PCMTD2: variants seen among roughly 807,000 people sequenced by gnomAD.
PCMTD2 encodes the protein protein-L-isoaspartate (D-aspartate) O-methyltransferase domain containing 2.
Under a neutral mutation model 33.4 loss-of-function variants are expected in PCMTD2, and 16 were observed. The ratio of observed to expected loss-of-function variants is 0.48; its 90% confidence interval spans 0.32 to 0.73. PCMTD2 has a LOEUF of 0.73. Among genes scored for constraint, PCMTD2 ranks in the 30% least tolerant of loss-of-function variants. The probability of loss-of-function intolerance (pLI) is 0.03; values close to 1 mark genes in which losing one functional copy is unlikely to be tolerated. For synonymous variants in PCMTD2, 161 were observed against 160.8 expected (o/e 1.00, Z -0.01); for missense variants, 374 against 449.9 (o/e 0.83, Z 1.53).
At chr20:64,270,310 C>T (rs1985858907) in intron 5 of PCMTD2, among the ~76,000 whole-genome samples, 1 of 134,634 alleles carries the variant, frequency 7.4e-6, no homozygotes, top group Non-Finnish European at 1.6e-5. Context: ...AGTGTGGGAT[C>T]GTGTGAGTGC....
intron 5 of PCMTD2, chr20:64,272,190 A>G (rs1452438491): frequency 2.7e-6 from 1 of 364,342 alleles, no homozygotes. Flanking sequence ...TCTGAAGAAC[A>G]GTGGAGATGC....
chr20:64,273,724 T>A lies in PCMTD2; in HGVS notation c.*124T>A, dbSNP rs1986006683. 1.4e-6 allele frequency: 1 copy of A among 715,716 alleles called. No individual in the cohort carries two copies. Among genetic ancestry groups the A allele is most frequent in the Non-Finnish European group, 2.2e-6 (1 of 453,886 alleles). 44.3% of individuals were successfully genotyped at this position (715,716 alleles called of 1,614,324 possible). A position where few individuals can be genotyped will look rare whatever the true frequency, so the allele number is the denominator to read the frequency against. On this transcript the variant is annotated 3_prime_UTR_variant, in exon 6 of 6. Transcript: ENST00000308824. The stretch of plus-strand genomic sequence containing the variant: ...GTGGGGAAGGGAACTGCTGGGCTCA[T>A]CCACACCATGGTTTTCTTCTAGTTC...
chr20:64,263,575 A>G (rs1056675347), intron 2 of PCMTD2, among the ~76,000 whole-genome samples: 1 of 152,226 alleles, frequency 6.6e-6, no homozygotes, highest in Admixed American at 6.5e-5. Flanking sequence ...GTTGACGTGT[A>G]ACTTACCCAT....
At chr20:64,270,214 TGGTGCGGGGTCATGTGAGTGCAC>T (rs1482700066) in intron 5 of PCMTD2, among the ~76,000 whole-genome samples, 3 of 124,360 alleles carry the variant, frequency 2.4e-5, no homozygotes, top group African/African-American at 6.3e-5. Context: ...CGGGCGTGCG[TGGTGCGGGGTCATGTGAGTGCAC>T]GGTGTGGGGT....
intron 1 of PCMTD2, among the ~76,000 whole-genome samples, chr20:64,257,991 A>T (rs1202753142): frequency 6.6e-6 from 1 of 152,264 alleles, no homozygotes; most frequent in Non-Finnish European, 1.5e-5. Context: ...GAACTTTCAA[A>T]TTAAGGCAGA....
At chr20:64,268,597 G>A (rs1163295862) in intron 5 of PCMTD2, among the ~76,000 whole-genome samples, 3 of 152,096 alleles carry the variant, frequency 2.0e-5, no homozygotes, top group Non-Finnish European at 4.4e-5. Context: ...AAATTTAAAC[G>A]GCTCACACAG....
chr20:64,256,946 C>G (rs1985193286), intron 1 of PCMTD2: 1 of 152,216 alleles, frequency 6.6e-6, no homozygotes, highest in South Asian at 2.1e-4. Context: ...GGGTCGCATC[C>G]CAGTAAACAC....
chr20:64,267,987 G>A lies in PCMTD2; in HGVS notation c.683G>A (p.Gly228Glu), dbSNP rs780770344. 1.6e-4 allele frequency: 263 copies of A among 1,612,874 alleles called. 2 individuals are homozygous for A. Among genetic ancestry groups the A allele is most frequent in the Admixed American group, 5.0e-4 (30 of 59,954 alleles). ...ATCCAGCCCTGCCATTCAGAGTCAGGAAAATCAAGACTTGTCCAGTTACGT... is the reference window on the plus strand; with the variant it reads ...ATCCAGCCCTGCCATTCAGAGTCAGAAAAATCAAGACTTGTCCAGTTACGT... The part of the protein sequence containing the change: ...PLIQPCHSES[G>E]KSRLVQLPPV... Residue 228 changes from glycine to glutamate, a missense_variant, in exon 5 of 6, where the codon GGA becomes GAA. Transcript: ENST00000308824.
rs1019486368 is a variant in PCMTD2, at chr20:64,272,999, T to G, written c.707-222T>G. 3.3e-5 allele frequency among the ~76,000 whole-genome samples: 5 copies of G among 152,250 alleles called. No individual in the cohort carries two copies. The East Asian group carries it at 9.6e-4, about 29-fold the overall frequency. ...CAAGCAATATTGCTTCCTTTCCCTT[T>G]CAAAGTTAAGAATTGATGCATTTGG... On this transcript the variant is annotated intron_variant, in intron 5 of 5. Transcript: ENST00000308824.
intron 1 of PCMTD2, chr20:64,258,693 A>C (rs1985269733): frequency 6.6e-6 from 1 of 152,198 alleles, no homozygotes; most frequent in Admixed American, 6.5e-5. Flanking sequence ...AATCCAGAGG[A>C]ATGTGAGGAG....
intron 5 of PCMTD2, chr20:64,271,546 G>C (rs1393274903): frequency 6.6e-6 from 1 of 152,560 alleles, no homozygotes; most frequent in Admixed American, 6.5e-5. Flanking sequence ...GTCTGTGGGA[G>C]GCTCAGGATT....
At chr20:64,266,328 G>A (rs1399629069) in intron 4 of PCMTD2, among the ~76,000 whole-genome samples, 5 of 152,174 alleles carry the variant, frequency 3.3e-5, no homozygotes, top group Non-Finnish European at 4.4e-5. Flanking sequence ...CGCGATCTCA[G>A]CTTAGTGCAA....
intron 5 of PCMTD2, chr20:64,272,158 G>A (rs1276131980): frequency 2.7e-6 from 1 of 374,780 alleles, no homozygotes; most frequent in South Asian, 2.0e-5. Flanking sequence ...AGGGGCCTGG[G>A]ACACAAGCCT....
chr20:64,260,908 G>A (rs1053369687), intron 2 of PCMTD2, among the ~76,000 whole-genome samples: 2 of 151,866 alleles, frequency 1.3e-5, no homozygotes, highest in East Asian at 1.9e-4. Context: ...TTCCCAGGCT[G>A]GTCTCAAACT....
intron 5 of PCMTD2, among the ~76,000 whole-genome samples, chr20:64,268,954 T>A (rs1300211069): frequency 6.6e-6 from 1 of 152,176 alleles, no homozygotes; most frequent in Non-Finnish European, 1.5e-5. Context: ...TGTCTGTGCT[T>A]GGCCTTCAAG....
rs1266416797 is a variant in PCMTD2 at position 64,259,382 on chromosome 20, TTC to T, written c.-24-556_-24-555del. Reference sequence around the variant, plus strand: ...GACACCACCTAAAGTTTTTTTTCTTTTCTCTTTTTTTTTTTTTTTTTTTTGAG... The same window carrying T: ...GACACCACCTAAAGTTTTTTTTCTTTTCTTTTTTTTTTTTTTTTTTTTGAG... On this transcript the variant is annotated intron_variant, in intron 1 of 5. Coordinates refer to ENST00000308824, the MANE Select transcript of PCMTD2 (RefSeq NM_018257.3). Among the ~76,000 whole-genome samples, 6 of 129,482 alleles carry T rather than the reference TTC, an allele frequency of 4.6e-5. No individual in the cohort carries two copies. In the East Asian group the frequency reaches 9.9e-4, roughly 21 times the overall value. 84.9% of individuals were successfully genotyped at this position (129,482 alleles called of 152,430 possible).
chr20:64,266,694 AT>A (rs1156552893), intron 4 of PCMTD2, among the ~76,000 whole-genome samples: 56 of 152,202 alleles, frequency 3.7e-4, no homozygotes, highest in African/African-American at 1.3e-3. Flanking sequence ...ATTGTTTTAA[AT>A]GTCTTTGCTT....
intron 1 of PCMTD2, among the ~76,000 whole-genome samples, chr20:64,257,953 G>C (rs540372583): frequency 2.6e-5 from 4 of 152,288 alleles, no homozygotes; most frequent in African/African-American, 9.6e-5. Context: ...CCTGGAAAAA[G>C]GTGCTTGTTT....
chr20:64,264,814 G>C (rs1216512840), intron 3 of PCMTD2, among the ~76,000 whole-genome samples: 1 of 152,150 alleles, frequency 6.6e-6, no homozygotes, highest in Non-Finnish European at 1.5e-5. Context: ...TGTTGCATTT[G>C]TCTCTAAACA....
Sources: allele counts gnomAD v4.1 joint callset (sites outside exome capture counted in the v4.1 genomes callset), GRCh38; gene constraint gnomAD v4.1.1; transcripts MANE v1.5; gene names NCBI Gene and HGNC (gene_info 2026-07-23, HGNC 2026-07-21).